Variants in TMEM131 observed in about 807,000 individuals in gnomAD.
TMEM131 encodes transmembrane protein 131.
In TMEM131, 66 loss-of-function variants were observed where a neutral mutation model predicts 211.6. That is an observed-to-expected ratio of 0.31 (90% CI 0.26 to 0.38). The LOEUF is 0.38. Among genes scored for constraint, TMEM131 ranks in the 10% least tolerant of loss-of-function variants. The probability of loss-of-function intolerance (pLI) is 1.00; values close to 1 mark genes in which losing one functional copy is unlikely to be tolerated. For missense variants in TMEM131, 2,036 were observed against 2,299.3 expected, an observed-to-expected ratio of 0.89 and a Z score of 2.34; for synonymous variants, 844 against 841.3, an observed-to-expected ratio of 1.00 and a Z score of -0.06.
intron 1 of TMEM131, among the ~76,000 whole-genome samples, chr2:97,932,406 G>A (rs1197493293): frequency 6.6e-6 from 1 of 152,006 alleles, no homozygotes; most frequent in African/African-American, 2.4e-5. Context: ...AAGTACAAGG[G>A]AACTCATATA....
At chr2:97,802,368 G>A (rs1573383086) in intron 24 of TMEM131, 60 bp downstream of exon 24, 1 of 1,267,000 alleles carries the variant, frequency 7.9e-7, no homozygotes, top group Non-Finnish European at 1.1e-6. Context: ...CTTTTTAAGT[G>A]AATAAAATAC....
At chr2:97,823,742 C>G (rs916351152) in intron 11 of TMEM131, among the ~76,000 whole-genome samples, 18 of 152,112 alleles carry the variant, frequency 1.2e-4, no homozygotes, top group Non-Finnish European at 2.2e-4. Flanking sequence ...CACCATAACT[C>G]AGGGAAAGGA....
At position 97,833,350 on chromosome 2, in the gene TMEM131, G is replaced by A. The variant is rs755711864; in HGVS notation, c.1074+15C>T. The A allele has an allele frequency of 1.2e-5, 14 of 1,144,094 alleles. No homozygotes were observed. Among genetic ancestry groups the A allele is most frequent in the Middle Eastern group, 2.1e-4 (1 of 4,686 alleles). The allele number at this position is 1,144,094 out of a possible 1,614,324, so 70.9% of individuals were successfully genotyped here. ...AGAATATATAAATTAGGGGAAAAAA[G>A]AAGTAAAAACTTACTGTTATTGGTA... On this transcript the variant is annotated intron_variant, in intron 11 of 40. Transcript: ENST00000186436.
intron 1 of TMEM131, among the ~76,000 whole-genome samples, chr2:97,988,892 A>C (rs1680144816): frequency 6.6e-6 from 1 of 152,214 alleles, no homozygotes. Context: ...CATGATCCAG[A>C]AATCTCTCTT....
chr2:97,805,309 C>A (rs1309204703), intron 21 of TMEM131, 67 bp downstream of exon 21: 6 of 1,568,826 alleles, frequency 3.8e-6, no homozygotes, highest in East Asian at 2.3e-5. Context: ...TTAAAAGTGG[C>A]GGCCTCTTAC....
intron 22 of TMEM131, 113 bp from the exon 23 acceptor site, chr2:97,802,903 AAC>A: frequency 1.2e-6 from 1 of 845,184 alleles, no homozygotes; most frequent in Non-Finnish European, 1.8e-6. Context: ...GCCCTGAAAA[AAC>A]ACATTTATTC....
chr2:97,970,225 G>A (rs183431526), intron 1 of TMEM131, among the ~76,000 whole-genome samples: 4 of 152,226 alleles, frequency 2.6e-5, no homozygotes, highest in Admixed American at 2.0e-4. Context: ...CCTCTTTTGG[G>A]GATGGCCTTA....
At chr2:97,759,261 T>C (rs1311972456) in intron 39 of TMEM131, 3 of 601,312 alleles carry the variant, frequency 5.0e-6, no homozygotes, top group Non-Finnish European at 8.7e-6. Context: ...ATGCCACCAA[T>C]GACATCCAAA....
At chr2:97,841,575 C>A (rs1683196361) in intron 7 of TMEM131, among the ~76,000 whole-genome samples, 1 of 152,134 alleles carries the variant, frequency 6.6e-6, no homozygotes, top group Admixed American at 6.6e-5. Context: ...AGAGAAGACA[C>A]AGTCGTTTTA....
intron 4 of TMEM131, among the ~76,000 whole-genome samples, chr2:97,875,464 G>T (rs2104152453): frequency 6.6e-6 from 1 of 152,170 alleles, no homozygotes; most frequent in African/African-American, 2.4e-5. Flanking sequence ...CCACATAATT[G>T]GAAGGAAAAC....
At chr2:97,847,131 G>A in intron 5 of TMEM131, among the ~76,000 whole-genome samples, 1 of 146,884 alleles carries the variant, frequency 6.8e-6, no homozygotes, top group Middle Eastern at 3.3e-3. Context: ...AGAGGTTGCA[G>A]TGAGCAGAGA....
chr2:97,757,197 A>G lies in TMEM131; in HGVS notation c.5554T>C (p.Leu1852=), dbSNP rs754179561. The G allele has an allele frequency of 3.1e-6, 5 of 1,613,976 alleles. No individual in the cohort carries two copies. Among genetic ancestry groups the G allele is most frequent in the African/African-American group, 1.3e-5 (1 of 75,038 alleles). ...CGCCACGGGTTGTAGGTCTGTCCCA[A>G]GTCGTCAGCTGGACTGGAGGTGGAG... ...APSTSSPADD[L]GQTYNPWRIW... is the part of the protein sequence containing the mutation. Residue 1852 remains leucine, a synonymous_variant, in exon 41 of 41, where the codon TTG becomes CTG. Coordinates refer to ENST00000186436, the MANE Select transcript of TMEM131 (RefSeq NM_015348.2).
chr2:97,766,079 G>C (rs1411995107), intron 35 of TMEM131, 35 bp downstream of exon 35: 1 of 1,610,754 alleles, frequency 6.2e-7, no homozygotes, highest in Non-Finnish European at 8.5e-7. Context: ...TTGTGGGTAA[G>C]TGGAGCCCTG....
intron 1 of TMEM131, among the ~76,000 whole-genome samples, chr2:97,988,334 T>C (rs181389865): frequency 6.6e-6 from 1 of 152,222 alleles, no homozygotes; most frequent in East Asian, 1.9e-4. Flanking sequence ...GACCGAAACA[T>C]AAGACCCAAA....
chr2:97,765,667 G>C (rs530445927), intron 35 of TMEM131, among the ~76,000 whole-genome samples: 1 of 152,256 alleles, frequency 6.6e-6, no homozygotes, highest in African/African-American at 2.4e-5. Flanking sequence ...CTTTGTGTAG[G>C]TTGCTCATGT....
chr2:97,758,776 C>G (rs1225422567), intron 40 of TMEM131, 117 bp downstream of exon 40: 1 of 1,338,124 alleles, frequency 7.5e-7, no homozygotes, highest in Non-Finnish European at 1.0e-6. Context: ...CTAACCCACC[C>G]CTCTGATGCT....
chr2:97,773,873 C>A (rs1211937777), intron 32 of TMEM131, among the ~76,000 whole-genome samples: 1 of 152,156 alleles, frequency 6.6e-6, no homozygotes, highest in Non-Finnish European at 1.5e-5. Context: ...GGGCTGTGTA[C>A]TAAAAGCAAC....
chr2:97,813,489 T>C (rs76771093), intron 15 of TMEM131, among the ~76,000 whole-genome samples: 16 of 152,292 alleles, frequency 1.1e-4, no homozygotes, highest in Admixed American at 4.6e-4. Context: ...AGGAGTACCT[T>C]CATTGTTTCC....
intron 3 of TMEM131, among the ~76,000 whole-genome samples, chr2:97,902,513 A>G (rs1675897433): frequency 6.6e-6 from 1 of 152,218 alleles, no homozygotes; most frequent in African/African-American, 2.4e-5. Context: ...ACACAGATAC[A>G]AGAATAGGAA....
Sources: allele counts gnomAD v4.1 joint callset (sites outside exome capture counted in the v4.1 genomes callset), GRCh38; gene constraint gnomAD v4.1.1; transcripts MANE v1.5; gene names NCBI Gene and HGNC (gene_info 2026-07-23, HGNC 2026-07-21).